The following SLC24A4 variants were observed in gnomAD, a reference collection of about 807,000 sequenced individuals.
SLC24A4 encodes the protein solute carrier family 24 member 4.
A neutral mutation model predicts 79.0 loss-of-function variants in SLC24A4; 53 were observed. The ratio of observed to expected loss-of-function variants is 0.67; its 90% CI spans 0.54 to 0.84. The LOEUF (loss-of-function observed/expected upper bound fraction) is 0.84, where lower values mean the gene tolerates loss of function less well. Among genes scored for constraint, SLC24A4 ranks in the 40% least tolerant of loss-of-function variants. SLC24A4 has a pLI of 0.00. For synonymous variants in SLC24A4, 323 were observed against 323.8 expected (o/e 1.00, Z 0.03); for missense variants, 731 against 822.0 (o/e 0.89, Z 1.35).
chr14:92,323,993 G>T lies in SLC24A4; in HGVS notation c.130+33G>T. On this transcript the variant is annotated intron_variant, in intron 1 of 16. Coordinates refer to ENST00000532405, the MANE Select transcript of SLC24A4 (RefSeq NM_153646.4). This position sits in a 1 kb window ranked among gnomAD's most constrained non-coding sequence, Gnocchi z 4.9. ...CTGGTACGGGTCCCCTCTTCCTGGG[G>T]AGTTGGGGGCTTTGGCTGGGGAGTC... is the stretch of plus-strand genomic sequence containing the variant. The T allele has an allele frequency of 6.2e-7, 1 of 1,600,588 alleles. No homozygotes were observed. Among genetic ancestry groups the T allele is most frequent in the Non-Finnish European group, 8.5e-7 (1 of 1,174,662 alleles).
chr14:92,458,876 C>T (rs1893636644), intron 12 of SLC24A4, among the ~76,000 whole-genome samples: 1 of 152,166 alleles, frequency 6.6e-6, no homozygotes, highest in Non-Finnish European at 1.5e-5. Flanking sequence ...AGTGCCAGAG[C>T]AGGCTGCATT....
chr14:92,445,669 C>A (rs1018627343), intron 8 of SLC24A4, among the ~76,000 whole-genome samples: 5 of 152,154 alleles, frequency 3.3e-5, no homozygotes, highest in Non-Finnish European at 7.3e-5. Context: ...GAATGGGGGA[C>A]ATTGCAGAGA....
Position 92,323,662 on chromosome 14 carries a change from G to C in SLC24A4, c.-169G>C. ...GCGTCGCGCGTCCCCACCTTCCCAAGGGGCTCCCCCGCCGACCTCGCCCTC... is the reference window on the plus strand; with the variant it reads ...GCGTCGCGCGTCCCCACCTTCCCAACGGGCTCCCCCGCCGACCTCGCCCTC... On this transcript the variant is annotated 5_prime_UTR_variant, in exon 1 of 17. Coordinates refer to ENST00000532405, the MANE Select transcript of SLC24A4 (RefSeq NM_153646.4). The surrounding 1 kb of genome is among the most constrained non-coding windows in gnomAD (Gnocchi z 4.9). The C allele has an allele frequency of 1.3e-6, 1 of 789,314 alleles. No individual in the cohort carries two copies. The highest frequency in any genetic ancestry group is 1.9e-6 in the Non-Finnish European group (1 of 539,588). The allele number at this position is 789,314 out of a possible 1,614,324, so 48.9% of individuals were successfully genotyped here. A position where few individuals can be genotyped will look rare whatever the true frequency, so the allele number is the denominator to read the frequency against.
intron 2 of SLC24A4, among the ~76,000 whole-genome samples, chr14:92,354,217 A>T (rs1453357901): frequency 6.7e-5 from 10 of 149,282 alleles, no homozygotes; most frequent in Non-Finnish European, 1.3e-4. Context: ...CCCAGGCTGG[A>T]GTGCAGTGGC....
At chr14:92,474,859 A>T (rs1290573322) in intron 12 of SLC24A4, among the ~76,000 whole-genome samples, 7 of 58,568 alleles carry the variant, frequency 1.2e-4, no homozygotes, top group African/African-American at 5.6e-4. Flanking sequence ...ATATATATAT[A>T]TATATTTTTT....
intron 2 of SLC24A4, among the ~76,000 whole-genome samples, chr14:92,417,710 A>AT (rs765818678): frequency 2.6e-4 from 39 of 152,204 alleles, no homozygotes; most frequent in Admixed American, 5.9e-4. Flanking sequence ...TTTAAACCAT[A>AT]TTTTTTCTGT....
At chr14:92,444,932 T>TACACACACACACACAC (rs10548937) in intron 7 of SLC24A4, among the ~76,000 whole-genome samples, 1 of 142,842 alleles carries the variant, frequency 7.0e-6, no homozygotes, top group Non-Finnish European at 1.6e-5. Flanking sequence ...TACACACACA[T>TACACACACACACACAC]ACACACACAC....
chr14:92,445,289 C>T (rs200348502), intron 7 of SLC24A4, 28 bp from the exon 8 acceptor site: 1 of 1,614,012 alleles, frequency 6.2e-7, no homozygotes, highest in Non-Finnish European at 8.5e-7. Flanking sequence ...GTCCCACCCA[C>T]CTCAACTCTG....
At chr14:92,463,124 G>C (rs572756263) in intron 12 of SLC24A4, among the ~76,000 whole-genome samples, 1 of 152,262 alleles carries the variant, frequency 6.6e-6, no homozygotes, top group South Asian at 2.1e-4. Flanking sequence ...CTTCTCTTCT[G>C]TTATTATAGC....
Position 92,406,273 on chromosome 14 carries a change from C to A in SLC24A4, c.242-27639C>A, listed in dbSNP as rs1890369296. 2.0e-5 allele frequency among the ~76,000 whole-genome samples: 3 copies of A among 152,210 alleles called. No individual in the cohort carries two copies. The South Asian group carries it at 6.2e-4, about 31-fold the overall frequency. On this transcript the variant is annotated intron_variant, in intron 2 of 16. Transcript: ENST00000532405. ...CCCTCTGGCTTTGCAGGGTACAGCC[C>A]CTGTGGCAGTTTTCACGGCTGGTGT...
intron 2 of SLC24A4, among the ~76,000 whole-genome samples, chr14:92,387,830 C>T (rs1026296066): frequency 2.0e-5 from 3 of 152,220 alleles, no homozygotes; most frequent in African/African-American, 4.8e-5. Context: ...TTGTGACCAG[C>T]GTATTTCACT....
chr14:92,477,103 G>A (rs1031420124), intron 12 of SLC24A4, among the ~76,000 whole-genome samples: 15 of 152,208 alleles, frequency 9.9e-5, no homozygotes, highest in Admixed American at 6.5e-4. Context: ...TTGAGAAACT[G>A]TCAGACTGTT....
chr14:92,445,357 T>C lies in SLC24A4; in HGVS notation c.683+15T>C, dbSNP rs776591156. Reference sequence around the variant, plus strand: ...CAAATTGTGTGGTAAGTTTTTCAAGTGTAGTTTTCATTGTTCTTTTTTGTT... The same window carrying C: ...CAAATTGTGTGGTAAGTTTTTCAAGCGTAGTTTTCATTGTTCTTTTTTGTT... On this transcript the variant is annotated intron_variant, in intron 8 of 16. Coordinates refer to ENST00000532405, the MANE Select transcript of SLC24A4 (RefSeq NM_153646.4). The C allele has an allele frequency of 1.8e-5, 29 of 1,612,922 alleles. No individual in the cohort carries two copies. Among genetic ancestry groups the C allele is most frequent in the Non-Finnish European group, 3.4e-6 (4 of 1,179,058 alleles).
chr14:92,438,145 G>A (rs910464333), intron 3 of SLC24A4, among the ~76,000 whole-genome samples: 1 of 152,164 alleles, frequency 6.6e-6, no homozygotes, highest in Non-Finnish European at 1.5e-5. Flanking sequence ...TTCTTTAGAC[G>A]GCAGTTGCAA....
At chr14:92,449,510 A>G (rs771916828) in intron 10 of SLC24A4, among the ~76,000 whole-genome samples, 1 of 152,190 alleles carries the variant, frequency 6.6e-6, no homozygotes, top group Non-Finnish European at 1.5e-5. Context: ...CCTTCTGGGA[A>G]AGGCGTAAGG....
chr14:92,358,068 A>G (rs1035246292), intron 2 of SLC24A4, among the ~76,000 whole-genome samples: 1 of 152,290 alleles, frequency 6.6e-6, no homozygotes, highest in East Asian at 1.9e-4. Context: ...GCTTTGTCAT[A>G]AATTATGGAG....
intron 2 of SLC24A4, among the ~76,000 whole-genome samples, chr14:92,420,143 G>A (rs1197717200): frequency 6.6e-6 from 1 of 152,166 alleles, no homozygotes. Context: ...AACCAACCCT[G>A]TCGACACTTT....
In SLC24A4 at chr14:92,325,908, CACGT is replaced by C. The variant is rs1185721276; in HGVS notation, c.172_175del (p.Thr58GlyfsTer6). The C allele has an allele frequency of 6.2e-7, 1 of 1,612,624 alleles. No individual in the cohort carries two copies. The highest frequency in any genetic ancestry group is 8.5e-7 in the Non-Finnish European group (1 of 1,179,372). On this transcript the variant is annotated frameshift_variant, in exon 2 of 17. Coordinates refer to ENST00000532405, the MANE Select transcript of SLC24A4 (RefSeq NM_153646.4). LOFTEE classifies it high-confidence loss of function. Reference sequence around the variant, plus strand: ...CTGCTAGCAAACGTGTCCTGCCAGACACGTGGAGAAATAGAAAGTTGATGGCCCC... The same window carrying C: ...CTGCTAGCAAACGTGTCCTGCCAGACGGAGAAATAGAAAGTTGATGGCCCC...
At chr14:92,380,477 A>C (rs1283480263) in intron 2 of SLC24A4, among the ~76,000 whole-genome samples, 1 of 152,166 alleles carries the variant, frequency 6.6e-6, no homozygotes, top group African/African-American at 2.4e-5. Flanking sequence ...ATGGCTGCTC[A>C]TCTAGTGAGA....
Sources: allele counts gnomAD v4.1 joint callset (sites outside exome capture counted in the v4.1 genomes callset), GRCh38; gene constraint gnomAD v4.1.1; non-coding constraint Gnocchi (gnomAD v3.1); transcripts MANE v1.5; gene names NCBI Gene and HGNC (gene_info 2026-07-23, HGNC 2026-07-21).